MTF1: variants seen among roughly 807,000 people sequenced by gnomAD.
The protein encoded by MTF1 is MRE-binding transcription factor.
In MTF1, 22 loss-of-function variants were observed where a neutral mutation model predicts 70.4. That is an observed-to-expected ratio of 0.31 (90% CI 0.22 to 0.45). The LOEUF (loss-of-function observed/expected upper bound fraction) is 0.45. MTF1 is among the 20% of genes least tolerant of loss of function. The pLI, the probability that MTF1 is intolerant of heterozygous loss-of-function variation, is 1.00. For synonymous variants in MTF1, 333 were observed against 352.8 expected (o/e 0.94, Z 0.63); for missense variants, 649 against 922.0 (o/e 0.70, Z 3.83).
rs746252997 is a variant in MTF1, at chr1:37,857,267, T to G, written c.392A>C (p.Glu131Ala). The change falls in exon 2 of 11, where the codon GAA becomes GCA. Residue 131 changes from glutamate to alanine, a missense_variant. Physicochemically the swap from Glu to Ala is moderately radical, Grantham distance 107 (BLOSUM62 -1). Around this residue, in one of 7 missense-constraint regions of MTF1, gnomAD observed 118 missense variants for 287.2 expected, o/e 0.41. Transcript: ENST00000373036. ...ATLTLQSECP[E>A]TKRKEVKRYQ... Reference sequence around the variant, plus strand: ...TTTACTTACTTCTTTACGTTTTGTTTCCGGACATTCCGACTGCAGAGTGAG... The same window carrying G: ...TTTACTTACTTCTTTACGTTTTGTTGCCGGACATTCCGACTGCAGAGTGAG... 6.8e-6 allele frequency: 11 copies of G among 1,611,908 alleles called. No homozygotes were observed. Among genetic ancestry groups the G allele is most frequent in the African/African-American group, 1.3e-5 (1 of 74,912 alleles).
chr1:37,852,224 C>T (rs191564108), intron 2 of MTF1, among the ~76,000 whole-genome samples: 165 of 152,306 alleles, frequency 1.1e-3, no homozygotes, highest in Non-Finnish European at 1.7e-3. Context: ...AGTTTGAAGG[C>T]CCCTTTCTAC....
At chr1:37,827,981 A>G (rs1316259434) in intron 7 of MTF1, among the ~76,000 whole-genome samples, 1 of 152,196 alleles carries the variant, frequency 6.6e-6, no homozygotes, top group African/African-American at 2.4e-5. Flanking sequence ...CCAAAGGCCC[A>G]ACAGGAGAAA....
intron 1 of MTF1, 32 bp from the exon 2 acceptor site, chr1:37,857,741 T>C (rs1641520604): frequency 7.0e-7 from 1 of 1,423,192 alleles, no homozygotes; most frequent in Non-Finnish European, 9.7e-7. Context: ...GTTAGAGTCA[T>C]ACCACAAGAC....
Position 37,829,469 on chromosome 1 carries a change from AT to A in MTF1, c.1068+2775del, listed in dbSNP as rs141016063. ...GCATGAGCCACTGCACATGTCCCTA[AT>A]TTTTTTTTCAAGCAAAGAAAATTTA... is the stretch of plus-strand genomic sequence containing the variant. On this transcript the variant is annotated intron_variant, in intron 7 of 10. Transcript: ENST00000373036. Among the ~76,000 whole-genome samples the A allele has an allele frequency of 2.0e-5, 3 of 150,930 alleles. No individual in the cohort carries two copies. The South Asian group carries it at 6.3e-4, about 32-fold the overall frequency.
intron 9 of MTF1, among the ~76,000 whole-genome samples, chr1:37,818,301 G>A (rs945347088): frequency 5.3e-5 from 8 of 152,162 alleles, no homozygotes; most frequent in Non-Finnish European, 1.5e-5. Context: ...GTAAGAGAAG[G>A]AGGGTGTGGT....
chr1:37,817,901 G>A (rs145064231), intron 9 of MTF1, among the ~76,000 whole-genome samples: 1 of 152,246 alleles, frequency 6.6e-6, no homozygotes, highest in East Asian at 1.9e-4. Flanking sequence ...CAGAGATTAA[G>A]CTGCATGCCA....
At chr1:37,859,097 C>G (rs1641553281) in intron 1 of MTF1, among the ~76,000 whole-genome samples, 1 of 152,226 alleles carries the variant, frequency 6.6e-6, no homozygotes, top group Admixed American at 6.5e-5. Context: ...TTCGCTGCAT[C>G]TGAGCAGAGA....
chr1:37,815,503 C>T lies in MTF1; in HGVS notation c.1895G>A (p.Cys632Tyr), dbSNP rs369139617. Residue 632 changes from cysteine (C) to tyrosine (Y), a missense_variant, in exon 11 of 11, where the codon TGT becomes TAT. Coordinates refer to ENST00000373036, the MANE Select transcript of MTF1 (RefSeq NM_005955.3). The surrounding 1 kb of genome is among the most constrained non-coding windows in gnomAD (Gnocchi z 4.5). ...GTCCCGGCATGCACACTGACACTGA[C>T]ATGCCTCTTCTTGTTTGATGATGAT... ...PVIIIKQEEACQCQCACRDSA... is the reference protein window; with the variant it reads ...PVIIIKQEEAYQCQCACRDSA... 1.3e-6 allele frequency: 2 copies of T among 1,557,732 alleles called. No individual in the cohort carries two copies. The highest frequency in any genetic ancestry group is 1.4e-5 in the African/African-American group (1 of 73,068).
intron 4 of MTF1, among the ~76,000 whole-genome samples, chr1:37,837,801 C>T (rs373953197): frequency 1.1e-4 from 16 of 152,158 alleles, no homozygotes; most frequent in Admixed American, 5.9e-4. Context: ...CCGCCATGCC[C>T]GGCCTCAAAG....
chr1:37,857,256 T>C lies in MTF1; in HGVS notation c.403A>G (p.Lys135Glu). The C allele has an allele frequency of 1.9e-6, 3 of 1,610,276 alleles. No individual in the cohort carries two copies. The highest frequency in any genetic ancestry group is 2.5e-6 in the Non-Finnish European group (3 of 1,176,720). ...LQSECPETKR[K>E]EVKRYQCTFE... ...TCACTGACTGCTTTACTTACTTCTT[T>C]ACGTTTTGTTTCCGGACATTCCGAC... is the stretch of plus-strand genomic sequence containing the variant. The change falls in exon 2 of 11, where the codon AAA (lysine) becomes GAA (glutamate). Residue 135 changes from lysine to glutamate, a missense_variant. By Grantham distance (56) the Lys-to-Glu change is moderately conservative (BLOSUM62 1). Transcript: ENST00000373036.
Position 37,840,123 on chromosome 1 carries a change from G to C in MTF1, c.444C>G (p.Pro148=). ...KRYQCTFEGC[P]RTYSTAGNLR... ...GGTTGCCTGCTGTGCTGTAGGTGCG[G>C]GGACAGCCCTCAAAGGTACATTGGT... is the stretch of plus-strand genomic sequence containing the variant. The change falls in exon 3 of 11, where the codon CCC becomes CCG. Residue 148 remains proline (P), a synonymous_variant. Coordinates refer to ENST00000373036, the MANE Select transcript of MTF1 (RefSeq NM_005955.3). The surrounding 1 kb of genome is among the most constrained non-coding windows in gnomAD (Gnocchi z 4.5). 6.2e-7 allele frequency: 1 copy of C among 1,614,170 alleles called. No homozygotes were observed. Among genetic ancestry groups the C allele is most frequent in the Non-Finnish European group, 8.5e-7 (1 of 1,180,042 alleles).
At chr1:37,839,808 C>A (rs762993814) in intron 3 of MTF1, 112 bp downstream of exon 3, 11 of 820,174 alleles carry the variant, frequency 1.3e-5, no homozygotes, top group Non-Finnish European at 2.2e-5. Context: ...AACACAGCTG[C>A]GCTCTTTTAA....
rs755374678 is a variant in MTF1 at position 37,822,690 on chromosome 1, C to T, written c.1198G>A (p.Asp400Asn). Reference sequence around the variant, plus strand: ...GGAACATCACTGACTGACTCTGCATCACCATTAAAACTTTCAGTCAAGGAA... The same window carrying T: ...GGAACATCACTGACTGACTCTGCATTACCATTAAAACTTTCAGTCAAGGAA... ...TASLTESFNG[D>N]AESVSDVPPS... Residue 400 changes from aspartate (D) to asparagine (N), a missense_variant, in exon 9 of 11, where the codon GAT becomes AAT. Coordinates refer to ENST00000373036, the MANE Select transcript of MTF1 (RefSeq NM_005955.3). 13 of 1,612,406 alleles carry T rather than the reference C, an allele frequency of 8.1e-6. No individual in the cohort carries two copies. In the South Asian group the frequency reaches 1.4e-4, roughly 18 times the overall value.
rs769210259 is a variant in MTF1 at position 37,815,585 on chromosome 1, A to G, written c.1832-19T>C. 1 of 1,515,484 alleles carries G rather than the reference A, an allele frequency of 6.6e-7. No homozygotes were observed. Among genetic ancestry groups the G allele is most frequent in the Non-Finnish European group, 8.8e-7 (1 of 1,132,716 alleles). 93.9% of individuals were successfully genotyped at this position (1,515,484 alleles called of 1,614,324 possible). A position where few individuals can be genotyped will look rare whatever the true frequency, so the allele number is the denominator to read the frequency against. ...GAGCTCCCTGCGAGAGAGGCAAGAG[A>G]GACTGCTCTTCAAGTAGCTGCAGGG... On this transcript the variant is annotated intron_variant, in intron 10 of 10. Transcript: ENST00000373036. The surrounding 1 kb of genome is among the most constrained non-coding windows in gnomAD (Gnocchi z 4.5).
chr1:37,854,994 G>A (rs536238051), intron 2 of MTF1, among the ~76,000 whole-genome samples: 1 of 152,306 alleles, frequency 6.6e-6, no homozygotes, highest in Admixed American at 6.5e-5. Context: ...GGGAGGCGGA[G>A]GTTGCAGTGA....
At chr1:37,847,489 C>T (rs942989287) in intron 2 of MTF1, among the ~76,000 whole-genome samples, 1 of 152,214 alleles carries the variant, frequency 6.6e-6, no homozygotes, top group Non-Finnish European at 1.5e-5. Context: ...AGCCATCTTC[C>T]TCTCTCCACC....
At position 37,850,533 on chromosome 1, in the gene MTF1, G is replaced by A. The variant is rs192717885; in HGVS notation, c.408+6718C>T. ...GAAGGAAGGGAGGGAGGAAGGGAAT[G>A]AGAGAGAGAAAGAGAAAAAAAAGGG... is the stretch of plus-strand genomic sequence containing the variant. On this transcript the variant is annotated intron_variant, in intron 2 of 10. Transcript: ENST00000373036. Among the ~76,000 whole-genome samples the A allele has an allele frequency of 1.7e-3, 256 of 151,290 alleles. 1 individual carries two copies. The highest frequency in any genetic ancestry group is 3.4e-3 in the Middle Eastern group (1 of 294).
rs1364136231 is a variant in MTF1, at chr1:37,811,605, C to T, written c.*3531G>A. On this transcript the variant is annotated 3_prime_UTR_variant, in exon 11 of 11. Coordinates refer to ENST00000373036, the MANE Select transcript of MTF1 (RefSeq NM_005955.3). ...ATATACCAATATGAGGTTCTGCAAACTTGTCCCTCTGGACACATTCAGCAT... is the reference window on the plus strand; with the variant it reads ...ATATACCAATATGAGGTTCTGCAAATTTGTCCCTCTGGACACATTCAGCAT... 6.6e-6 allele frequency: 1 copy of T among 152,182 alleles called. No individual in the cohort carries two copies. Among genetic ancestry groups the T allele is most frequent in the Admixed American group, 6.5e-5 (1 of 15,270 alleles). The allele number at this position is 152,182 out of a possible 1,614,324, so 9.4% of individuals were successfully genotyped here.
Position 37,857,713 on chromosome 1 carries a change from C to T in MTF1, c.-51-4G>A. 1 of 1,562,316 alleles carries T rather than the reference C, an allele frequency of 6.4e-7. No individual in the cohort carries two copies. Among genetic ancestry groups the T allele is most frequent in the Admixed American group, 1.7e-5 (1 of 57,816 alleles). ...AAATGAAAACGTAATGACTTGTCTGCAACAGAACAAAGCCAGAGTTAGAGT... is the reference window on the plus strand; with the variant it reads ...AAATGAAAACGTAATGACTTGTCTGTAACAGAACAAAGCCAGAGTTAGAGT... On this transcript the variant is annotated splice_region_variant and splice_polypyrimidine_tract_variant and intron_variant, in intron 1 of 10. Transcript: ENST00000373036.
Sources: gnomAD v4.1 joint callset for allele counts (sites outside exome capture counted in the v4.1 genomes callset) on GRCh38, gnomAD v4.1.1 for gene constraint, gnomAD v4.1.1 regional missense constraint, Gnocchi (gnomAD v3.1) non-coding constraint, MANE v1.5 for transcripts, NCBI Gene and HGNC (gene_info 2026-07-23, HGNC 2026-07-21) for gene names.